The following FSD1L variants were observed in gnomAD, a reference collection of about 807,000 sequenced individuals.
The protein encoded by FSD1L is FSD1-like protein.
A neutral mutation model predicts 71.6 loss-of-function variants in FSD1L; 45 were observed. The observed-to-expected ratio is 0.63, with a 90% confidence interval of 0.49 to 0.81. The LOEUF (loss-of-function observed/expected upper bound fraction) is 0.81, where lower values mean the gene tolerates loss of function less well. Among genes scored for constraint, FSD1L ranks in the 30% least tolerant of loss-of-function variants. FSD1L has a pLI of 0.00. For missense variants in FSD1L, 561 were observed against 618.1 expected (o/e 0.91, Z 0.98); for synonymous variants, 197 against 207.2 (o/e 0.95, Z 0.42).
intron 1 of FSD1L, among the ~76,000 whole-genome samples, 152 bp from the exon 2 acceptor site, chr9:105,461,368 A>T (rs2131601701): frequency 6.6e-6 from 1 of 152,322 alleles, no homozygotes; most frequent in Admixed American, 6.5e-5. Context: ...AAAAAAAAAG[A>T]AAAACTCATT....
chr9:105,492,775 A>G (rs1213454003), intron 7 of FSD1L, among the ~76,000 whole-genome samples: 2 of 152,144 alleles, frequency 1.3e-5, no homozygotes, highest in Non-Finnish European at 2.9e-5. Flanking sequence ...GTCATTCAGG[A>G]GCAGGTTGTT....
chr9:105,446,076 C>T (rs1213356411), upstream of FSD1L, among the ~76,000 whole-genome samples: 1 of 151,102 alleles, frequency 6.6e-6, no homozygotes, highest in East Asian at 1.9e-4. Flanking sequence ...GCTGGGGATA[C>T]AGATATGGGG....
At chr9:105,508,326 C>T (rs914557940) in intron 8 of FSD1L, among the ~76,000 whole-genome samples, 14 of 151,714 alleles carry the variant, frequency 9.2e-5, no homozygotes, top group Admixed American at 2.6e-4. Flanking sequence ...TACAGGCGCC[C>T]GCCACCACGC....
intron 1 of FSD1L, among the ~76,000 whole-genome samples, chr9:105,458,225 C>T (rs1339826792): frequency 1.3e-5 from 2 of 152,154 alleles, no homozygotes; most frequent in Admixed American, 6.5e-5. Context: ...CAGGGAATCC[C>T]GAGGTCTAGG....
chr9:105,491,728 A>G (rs1267461873), intron 7 of FSD1L, among the ~76,000 whole-genome samples: 3 of 152,096 alleles, frequency 2.0e-5, no homozygotes, highest in Admixed American at 6.5e-5. Flanking sequence ...AATTTTGTCA[A>G]AGGCCTTTTC....
At chr9:105,530,906 C>T (rs1835851617) in intron 10 of FSD1L, 1 of 259,850 alleles carries the variant, frequency 3.8e-6, no homozygotes, top group African/African-American at 2.2e-5. Context: ...ATATTGTACA[C>T]CTACTCTGTA....
Position 105,550,690 on chromosome 9 carries a change from G to T in FSD1L, c.*4207G>T, listed in dbSNP as rs900566719. 6.6e-6 allele frequency: 1 copy of T among 152,006 alleles called. No individual in the cohort carries two copies. Among genetic ancestry groups the T allele is most frequent in the African/African-American group, 2.4e-5 (1 of 41,434 alleles). 9.4% of individuals were successfully genotyped at this position (152,006 alleles called of 1,614,324 possible). A position where few individuals can be genotyped will look rare whatever the true frequency, so the allele number is the denominator to read the frequency against. On this transcript the variant is annotated 3_prime_UTR_variant, in exon 14 of 14. Coordinates refer to ENST00000481272, the MANE Select transcript of FSD1L (RefSeq NM_001145313.3). Reference sequence around the variant, plus strand: ...ACATTTGGTGTATATTGTCTTCATTGAAAAGATATTGTTGGATATGCCACA... The same window carrying T: ...ACATTTGGTGTATATTGTCTTCATTTAAAAGATATTGTTGGATATGCCACA...
chr9:105,458,417 G>C (rs1019416789), intron 1 of FSD1L, among the ~76,000 whole-genome samples: 2 of 152,162 alleles, frequency 1.3e-5, no homozygotes, highest in African/African-American at 4.8e-5. Context: ...CTTGTCCTGC[G>C]TCCAGGAAGA....
chr9:105,457,113 G>GCTCATT lies in FSD1L; in HGVS notation c.16-4404_16-4399dup, dbSNP rs1830407993. 3.3e-5 allele frequency among the ~76,000 whole-genome samples: 5 copies of GCTCATT among 152,282 alleles called. No individual in the cohort carries two copies. In the South Asian group the frequency reaches 1.0e-3, roughly 32 times the overall value. On this transcript the variant is annotated intron_variant, in intron 1 of 13. Coordinates refer to ENST00000481272, the MANE Select transcript of FSD1L (RefSeq NM_001145313.3). ...AATGAAATGACTATATGTAACATGG[G>GCTCATT]CTCATTCTATAAGTACATTTTTGGA...
chr9:105,464,307 A>G lies in FSD1L; in HGVS notation c.183A>G (p.Leu61=), dbSNP rs1304043016. 39 of 1,505,206 alleles carry G rather than the reference A, an allele frequency of 2.6e-5. No homozygotes were observed. Among genetic ancestry groups the G allele is most frequent in the Non-Finnish European group, 3.4e-5 (38 of 1,114,942 alleles). 93.2% of individuals were successfully genotyped at this position (1,505,206 alleles called of 1,614,324 possible). ...AAATTCAGAACTTTATTGATACACT[A>G]CATCATACACTAAAAGGAGTTCAGG... The part of the protein sequence containing the change: ...NDEIQNFIDT[L]HHTLKGVQEN... The change falls in exon 3 of 14, where the codon CTA becomes CTG. Residue 61 remains leucine, a synonymous_variant. Coordinates refer to ENST00000481272, the MANE Select transcript of FSD1L (RefSeq NM_001145313.3).
chr9:105,534,563 C>T lies in FSD1L; in HGVS notation c.1096C>T (p.Arg366Cys), dbSNP rs1225381494. 1.9e-6 allele frequency: 3 copies of T among 1,549,398 alleles called. No individual in the cohort carries two copies. The highest frequency in any genetic ancestry group is 2.6e-6 in the Non-Finnish European group (3 of 1,144,762). The change falls in exon 11 of 14, where the codon CGT becomes TGT. Residue 366 changes from arginine (R) to cysteine (C), a missense_variant. Coordinates refer to ENST00000481272, the MANE Select transcript of FSD1L (RefSeq NM_001145313.3). ...ACCAGCAGTAAGAGGCAGTAGAGAT[C>T]GTTTTACTGGAGAATCATACACAGT... ...RPPAVRGSRD[R>C]FTGESYTVLG...
At chr9:105,542,682 C>A (rs1381860223) in intron 13 of FSD1L, among the ~76,000 whole-genome samples, 2 of 152,184 alleles carry the variant, frequency 1.3e-5, no homozygotes, top group African/African-American at 4.8e-5. Flanking sequence ...TCTCAAAGTC[C>A]TGGGCTCAAA....
chr9:105,475,363 G>C (rs1402522835), intron 5 of FSD1L, among the ~76,000 whole-genome samples: 5 of 152,000 alleles, frequency 3.3e-5, no homozygotes, highest in African/African-American at 1.2e-4. Context: ...AGGGAGAATG[G>C]GTTTAGTGTA....
chr9:105,507,886 C>CT (rs1564123887), intron 8 of FSD1L, among the ~76,000 whole-genome samples: 5 of 110,070 alleles, frequency 4.5e-5, no homozygotes, highest in African/African-American at 1.9e-4. Flanking sequence ...GCATATCACT[C>CT]TTCTTTTTTT....
At position 105,522,491 on chromosome 9, in the gene FSD1L, G is replaced by A. The variant is rs113271981; in HGVS notation, c.1025+9555G>A. The A allele has an allele frequency of 7.3e-4, 1,173 of 1,613,814 alleles. 11 individuals carry two copies. In the African/African-American group the frequency reaches 0.013, roughly 18 times the overall value. The stretch of plus-strand genomic sequence containing the variant: ...CTGGTTCTCCAGGAACCGAAAAGGC[G>A]AGGAGTATAGTACGGCAAAAAACTG... On this transcript the variant is annotated intron_variant, in intron 10 of 13. Coordinates refer to ENST00000481272, the MANE Select transcript of FSD1L (RefSeq NM_001145313.3).
At chr9:105,525,115 C>T (rs568136242) in intron 10 of FSD1L, 4 of 1,548,300 alleles carry the variant, frequency 2.6e-6, no homozygotes, top group South Asian at 1.3e-5. Flanking sequence ...CTGTAAGTGG[C>T]TTGTCAGAAC....
chr9:105,507,230 A>C (rs893006148), intron 8 of FSD1L, among the ~76,000 whole-genome samples: 3 of 152,204 alleles, frequency 2.0e-5, no homozygotes, highest in African/African-American at 7.2e-5. Context: ...ATTAACAAAG[A>C]CCTGTGACTT....
In FSD1L at chr9:105,512,796, A is replaced by T; in HGVS notation, c.896-11A>T. 7.1e-7 allele frequency: 1 copy of T among 1,410,406 alleles called. No homozygotes were observed. The highest frequency in any genetic ancestry group is 9.5e-7 in the Non-Finnish European group (1 of 1,056,170). The allele number at this position is 1,410,406 out of a possible 1,614,324, so 87.4% of individuals were successfully genotyped here. ...TATTTTAAAAATATATTTAAATATT[A>T]TCTTGAATAGCACTTAACTTCAATT... On this transcript the variant is annotated splice_polypyrimidine_tract_variant and intron_variant, in intron 9 of 13. Transcript: ENST00000481272.
upstream of FSD1L, among the ~76,000 whole-genome samples, chr9:105,444,173 G>A (rs1421045913): frequency 6.6e-6 from 1 of 152,184 alleles, no homozygotes; most frequent in South Asian, 2.1e-4. Flanking sequence ...CTGTGCAAGG[G>A]TAAAACAGAA....
Sources: gnomAD v4.1 joint callset for allele counts (sites outside exome capture counted in the v4.1 genomes callset) on GRCh38, gnomAD v4.1.1 for gene constraint, MANE v1.5 for transcripts, NCBI Gene and HGNC (gene_info 2026-07-23, HGNC 2026-07-21) for gene names.